KCTD16: variants seen among roughly 807,000 people sequenced by gnomAD.
KCTD16 encodes potassium channel tetramerization domain containing 16, also known as BTB/POZ domain-containing protein KCTD16.
A neutral mutation model predicts 33.2 loss-of-function variants in KCTD16; 13 were observed. That is an observed-to-expected ratio of 0.39 (90% confidence interval 0.25 to 0.62). KCTD16 has a LOEUF of 0.62. Among genes scored for constraint, KCTD16 ranks in the 20% least tolerant of loss-of-function variants. KCTD16 has a pLI of 0.50. For synonymous variants in KCTD16, 197 were observed against 195.3 expected (o/e 1.01, Z -0.07); for missense variants, 441 against 525.1 (o/e 0.84, Z 1.57).
chr5:144,287,050 T>C (rs561395384), intron 3 of KCTD16, among the ~76,000 whole-genome samples: 53 of 152,284 alleles, frequency 3.5e-4, no homozygotes, highest in African/African-American at 1.2e-3. Context: ...TTAGGGGAAA[T>C]GCCTGTGAGA....
intron 3 of KCTD16, among the ~76,000 whole-genome samples, chr5:144,427,205 T>C (rs1008780367): frequency 1.2e-4 from 18 of 151,750 alleles, no homozygotes; most frequent in Non-Finnish European, 1.0e-4. Context: ...GATAAAGAAG[T>C]TGGAATAAAC....
chr5:144,215,144 C>G (rs544685122), intron 3 of KCTD16, among the ~76,000 whole-genome samples: 36 of 152,252 alleles, frequency 2.4e-4, no homozygotes, highest in African/African-American at 8.2e-4. Context: ...GGATTTCTCA[C>G]TGAAAGGTGC....
intron 3 of KCTD16, among the ~76,000 whole-genome samples, chr5:144,452,491 G>A (rs576941070): frequency 6.6e-6 from 1 of 151,896 alleles, no homozygotes; most frequent in African/African-American, 2.4e-5. Flanking sequence ...GGGGGAGCAA[G>A]AGACAGGTGA....
rs993173456 is a variant in KCTD16 at position 144,479,419 on chromosome 5, AG to A, written c.*5308del. The A allele has an allele frequency of 5.3e-5, 8 of 151,922 alleles. No homozygotes were observed. Among genetic ancestry groups the A allele is most frequent in the African/African-American group, 1.9e-4 (8 of 41,546 alleles). 9.4% of individuals were successfully genotyped at this position (151,922 alleles called of 1,614,324 possible). On this transcript the variant is annotated 3_prime_UTR_variant, in exon 4 of 4. Coordinates refer to ENST00000512467, the MANE Select transcript of KCTD16 (RefSeq NM_020768.4). ...GAAAGCAAGAAAGAGTGAATTCAAA[AG>A]GGTTTCAATGATCCAATTGACCCTA...
At chr5:144,196,269 C>T (rs115036682) in intron 2 of KCTD16, among the ~76,000 whole-genome samples, 136 of 152,040 alleles carry the variant, frequency 8.9e-4, no homozygotes, top group Middle Eastern at 3.4e-3. Flanking sequence ...TGGAGGGAAG[C>T]GAGTTTTTAC....
At chr5:144,386,603 A>G (rs1023679) in intron 3 of KCTD16, among the ~76,000 whole-genome samples, 119,742 of 152,192 alleles carry the variant, frequency 0.79, 47,560 homozygotes, top group South Asian at 0.89. Context: ...ACAAATATGT[A>G]TGTCTGCAAT....
At chr5:144,205,039 C>T (rs1753129792) in intron 2 of KCTD16, among the ~76,000 whole-genome samples, 2 of 151,842 alleles carry the variant, frequency 1.3e-5, no homozygotes, top group South Asian at 4.2e-4. Flanking sequence ...AATAAAAAGT[C>T]AGTTGTGTTT....
At chr5:144,265,852 G>A (rs1755128217) in intron 3 of KCTD16, among the ~76,000 whole-genome samples, 1 of 152,088 alleles carries the variant, frequency 6.6e-6, no homozygotes, top group Non-Finnish European at 1.5e-5. Flanking sequence ...TACGTAATGT[G>A]CCAAGTTCGT....
At chr5:144,384,025 G>C (rs1752272629) in intron 3 of KCTD16, 1 of 152,142 alleles carries the variant, frequency 6.6e-6, no homozygotes, top group African/African-American at 2.4e-5. Context: ...ATTTCCCCCA[G>C]TGAAATATTA....
intron 3 of KCTD16, among the ~76,000 whole-genome samples, chr5:144,465,194 TCTCTCA>T (rs1561618206): frequency 6.1e-5 from 3 of 49,580 alleles, no homozygotes; most frequent in Non-Finnish European, 1.2e-4. Context: ...CCCCCCTCTC[TCTCTCA>T]CTCTCTCTCT....
At chr5:144,365,759 G>A (rs1751818860) in intron 3 of KCTD16, among the ~76,000 whole-genome samples, 1 of 143,466 alleles carries the variant, frequency 7.0e-6, no homozygotes, top group Admixed American at 7.1e-5. Context: ...AGAGTTTGTG[G>A]AGCAGGTGAA....
intron 3 of KCTD16, among the ~76,000 whole-genome samples, chr5:144,460,998 C>T (rs1754181480): frequency 6.6e-6 from 1 of 152,148 alleles, no homozygotes; most frequent in African/African-American, 2.4e-5. Flanking sequence ...AACCTTCAGC[C>T]AGGGACTCTC....
chr5:144,418,229 A>G (rs1753124238), intron 3 of KCTD16, among the ~76,000 whole-genome samples: 1 of 152,150 alleles, frequency 6.6e-6, no homozygotes, highest in African/African-American at 2.4e-5. Flanking sequence ...AAGCTTTATT[A>G]CAAAGAGCAA....
chr5:144,419,407 C>T (rs1753159023), intron 3 of KCTD16, among the ~76,000 whole-genome samples: 1 of 152,138 alleles, frequency 6.6e-6, no homozygotes, highest in African/African-American at 2.4e-5. Context: ...GATTTATTGG[C>T]CTCCCCTCCT....
At chr5:144,297,841 C>T (rs899910351) in intron 3 of KCTD16, among the ~76,000 whole-genome samples, 1 of 152,242 alleles carries the variant, frequency 6.6e-6, no homozygotes, top group African/African-American at 2.4e-5. Flanking sequence ...AACGGCTACC[C>T]TCTTTTGGTC....
At chr5:144,435,697 T>C (rs1753559892) in intron 3 of KCTD16, among the ~76,000 whole-genome samples, 1 of 152,168 alleles carries the variant, frequency 6.6e-6, no homozygotes. Context: ...TTGGGGTTAT[T>C]TACACCGCCT....
chr5:144,453,687 ATTG>A (rs1428449444), intron 3 of KCTD16, among the ~76,000 whole-genome samples: 2 of 152,154 alleles, frequency 1.3e-5, no homozygotes, highest in Admixed American at 6.5e-5. Flanking sequence ...GCATTGAGTA[ATTG>A]TTGTTAGAGT....
chr5:144,276,192 A>G (rs562083531), intron 3 of KCTD16, among the ~76,000 whole-genome samples: 3 of 152,334 alleles, frequency 2.0e-5, no homozygotes, highest in African/African-American at 7.2e-5. Flanking sequence ...TAATTCTGAG[A>G]CACATCAATA....
At chr5:144,272,565 A>T (rs776452286) in intron 3 of KCTD16, among the ~76,000 whole-genome samples, 2 of 152,176 alleles carry the variant, frequency 1.3e-5, no homozygotes, top group Non-Finnish European at 2.9e-5. Context: ...TGATTTCAAA[A>T]TTTACTACAA....
Sources: gnomAD v4.1 joint callset for allele counts (sites outside exome capture counted in the v4.1 genomes callset) on GRCh38, gnomAD v4.1.1 for gene constraint, MANE v1.5 for transcripts, NCBI Gene and HGNC (gene_info 2026-07-23, HGNC 2026-07-21) for gene names.